Variants in MRM1 observed in about 807,000 individuals in gnomAD.
MRM1 encodes the protein rRNA methyltransferase 1, mitochondrial.
A neutral mutation model predicts 25.0 loss-of-function variants in MRM1; 24 were observed. The observed-to-expected ratio is 0.96, with a 90% CI of 0.69 to 1.35. MRM1 has a LOEUF of 1.35. Ranked by LOEUF, MRM1 falls within the 40% of genes most tolerant of loss-of-function variation. The pLI, the probability that MRM1 is intolerant of heterozygous loss-of-function variation, is 0.00. For synonymous variants in MRM1, 188 were observed against 199.2 expected, an observed-to-expected ratio of 0.94 and a Z score of 0.47; for missense variants, 431 against 464.1, an observed-to-expected ratio of 0.93 and a Z score of 0.65.
chr17:36,609,060 C>T (rs1188890503), downstream of MRM1: 1 of 152,350 alleles, frequency 6.6e-6, no homozygotes, highest in African/African-American at 2.4e-5. Flanking sequence ...GGGGAGACTC[C>T]TGGCTGCAGC....
In MRM1 at chr17:36,603,283, T is replaced by C. The variant is rs1005326632; in HGVS notation, c.636+637T>C. On this transcript the variant is annotated intron_variant, in intron 2 of 4. Transcript: ENST00000614766. ...CAATAAAAATATGGTGTGAGAAACATAGGTAGTTTTAGCTTTTCTAGTAGC... is the reference window on the plus strand; with the variant it reads ...CAATAAAAATATGGTGTGAGAAACACAGGTAGTTTTAGCTTTTCTAGTAGC... 9 of 932,320 alleles carry C rather than the reference T, an allele frequency of 9.7e-6. No homozygotes were observed. The Admixed American group carries it at 5.0e-4, about 51-fold the overall frequency. The allele number at this position is 932,320 out of a possible 1,614,324, so 57.8% of individuals were successfully genotyped here.
the MRM1 span, among the ~76,000 whole-genome samples, chr17:36,633,313 G>A: frequency 6.6e-6 from 1 of 152,230 alleles, no homozygotes; most frequent in Non-Finnish European, 1.5e-5. Flanking sequence ...GAGGTCCCCA[G>A]ACTGTCTTCA....
chr17:36,603,273 G>A (rs548110598), intron 2 of MRM1: 3 of 962,192 alleles, frequency 3.1e-6, no homozygotes, highest in Admixed American at 1.2e-4. Flanking sequence ...AAAATATGGT[G>A]TGAGAAACAT....
At chr17:36,627,674 GTTTTTTTTT>G in the MRM1 span, among the ~76,000 whole-genome samples, 6 of 83,728 alleles carry the variant, frequency 7.2e-5, no homozygotes, top group Admixed American at 1.4e-4. Context: ...TTTGGACACT[GTTTTTTTTT>G]TTTTTTTTTT....
At chr17:36,619,711 C>T in the MRM1 span, among the ~76,000 whole-genome samples, 116 of 151,866 alleles carry the variant, frequency 7.6e-4, no homozygotes, top group Non-Finnish European at 1.2e-3. Context: ...CGAATATATA[C>T]CCAGAAGTGG....
At chr17:36,612,505 A>C (rs768509902), downstream of MRM1, among the ~76,000 whole-genome samples, 1 of 152,114 alleles carries the variant, frequency 6.6e-6, no homozygotes, top group Non-Finnish European at 1.5e-5. Flanking sequence ...ACTGCTCAGC[A>C]AGTGTGGGTT....
intron 2 of MRM1, among the ~76,000 whole-genome samples, chr17:36,603,980 A>T (rs2074905733): frequency 1.3e-5 from 2 of 152,250 alleles, no homozygotes; most frequent in South Asian, 2.1e-4. Context: ...ACATCCACTT[A>T]AGCTCCAGGC....
chr17:36,602,149 C>G lies in MRM1; in HGVS notation c.339C>G (p.Tyr113Ter). 1 of 1,613,022 alleles carries G rather than the reference C, an allele frequency of 6.2e-7. No individual in the cohort carries two copies. Among genetic ancestry groups the G allele is most frequent in the Non-Finnish European group, 8.5e-7 (1 of 1,179,704 alleles). ...RRQKLDTMCR[Y>*]QVHQGVCMEV... ...AGAAACTGGACACAATGTGCCGCTA[C>G]CAGGTCCACCAGGGTGTCTGCATGG... Residue 113 changes from tyrosine (Y) to a stop codon, truncating the protein, a stop_gained, in exon 1 of 5, where the codon TAC becomes TAG. Coordinates refer to ENST00000614766, the MANE Select transcript of MRM1 (RefSeq NM_024864.5). LOFTEE classifies it high-confidence loss of function. This position sits in a 1 kb window ranked among gnomAD's most constrained non-coding sequence, Gnocchi z 4.1.
rs1599584457 is a variant in MRM1, at chr17:36,608,494, C to A, written c.*79C>A. On this transcript the variant is annotated 3_prime_UTR_variant, in exon 5 of 5. Coordinates refer to ENST00000614766, the MANE Select transcript of MRM1 (RefSeq NM_024864.5). ...TCCGCCGGCTCCAGTGTGCGGGGAG[C>A]CTCTGCCTGAGTGTGCACCAGGCCC... 1 of 1,181,588 alleles carries A rather than the reference C, an allele frequency of 8.5e-7. No individual in the cohort carries two copies. Among genetic ancestry groups the A allele is most frequent in the Non-Finnish European group, 1.1e-6 (1 of 875,908 alleles). The allele number at this position is 1,181,588 out of a possible 1,614,324, so 73.2% of individuals were successfully genotyped here.
In MRM1 at chr17:36,602,502, G is replaced by T. The variant is rs770960529; in HGVS notation, c.543-51G>T. 2 of 1,612,564 alleles carry T rather than the reference G, an allele frequency of 1.2e-6. No individual in the cohort carries two copies. Among genetic ancestry groups the T allele is most frequent in the South Asian group, 2.2e-5 (2 of 91,024 alleles). On this transcript the variant is annotated intron_variant, in intron 1 of 4. Transcript: ENST00000614766. This position sits in a 1 kb window ranked among gnomAD's most constrained non-coding sequence, Gnocchi z 4.1. ...CTTGGGAGCCCTGGGAGGGTAGGGA[G>T]CCGGGCTTGAGATGGCCCAGCCTAA...
the MRM1 span, among the ~76,000 whole-genome samples, chr17:36,627,678 T>TC: frequency 5.6e-3 from 625 of 111,100 alleles, 8 homozygotes; most frequent in Admixed American, 0.01. Context: ...GACACTGTTT[T>TC]TTTTTTTTTT....
In MRM1 at chr17:36,607,765, G is replaced by A. The variant is rs2074943669; in HGVS notation, c.732G>A (p.Leu244=). 1 of 1,614,166 alleles carries A rather than the reference G, an allele frequency of 6.2e-7. No individual in the cohort carries two copies. Among genetic ancestry groups the A allele is most frequent in the Non-Finnish European group, 8.5e-7 (1 of 1,180,030 alleles). The change falls in exon 3 of 5, where the codon TTG becomes TTA. Residue 244 remains leucine (L), a synonymous_variant. Transcript: ENST00000614766. ...QSSEIPIMSC[L]EFLWERPTLL... ...CCGAGATCCCCATCATGAGTTGCTTGGAGTTCCTCTGGGAACGGCCTACTC... is the reference window on the plus strand; with the variant it reads ...CCGAGATCCCCATCATGAGTTGCTTAGAGTTCCTCTGGGAACGGCCTACTC...
the MRM1 span, among the ~76,000 whole-genome samples, chr17:36,627,892 T>G: frequency 2.0e-5 from 3 of 152,042 alleles, no homozygotes; most frequent in Admixed American, 6.6e-5. Flanking sequence ...GCCAGGCTGG[T>G]CTTGAAATCC....
chr17:36,624,561 A>G, the MRM1 span, among the ~76,000 whole-genome samples: 8 of 152,194 alleles, frequency 5.3e-5, no homozygotes, highest in Admixed American at 1.3e-4. The surrounding 1 kb of genome is among the most constrained non-coding windows in gnomAD (Gnocchi z 4.0). Flanking sequence ...ATGAGCACGC[A>G]TGTCATAGGA....
At chr17:36,611,937 A>T (rs2074978977), downstream of MRM1, among the ~76,000 whole-genome samples, 1 of 143,788 alleles carries the variant, frequency 7.0e-6, no homozygotes, top group African/African-American at 2.7e-5. Flanking sequence ...ATGCCTTATA[A>T]TCTCTTGAAC....
chr17:36,601,646 G>C lies in MRM1; in HGVS notation c.-165G>C. On this transcript the variant is annotated 5_prime_UTR_variant, in exon 1 of 5. Transcript: ENST00000614766. ...CGGGTGGTCGTAGCTCGGTAGTCCA[G>C]TTGTGGGTAATCGGGGCTGTTTGTT... 1.4e-6 allele frequency: 1 copy of C among 728,848 alleles called. No homozygotes were observed. The highest frequency in any genetic ancestry group is 2.1e-6 in the Non-Finnish European group (1 of 475,574). 45.1% of individuals were successfully genotyped at this position (728,848 alleles called of 1,614,324 possible). A position where few individuals can be genotyped will look rare whatever the true frequency, so the allele number is the denominator to read the frequency against.
At chr17:36,628,207 C>T in the MRM1 span, among the ~76,000 whole-genome samples, 1 of 152,296 alleles carries the variant, frequency 6.6e-6, no homozygotes, top group Non-Finnish European at 1.5e-5. Context: ...AGGCTGGTCT[C>T]AAACTCCTGG....
the MRM1 span, among the ~76,000 whole-genome samples, chr17:36,624,388 C>A: frequency 6.6e-6 from 1 of 152,240 alleles, no homozygotes; most frequent in Non-Finnish European, 1.5e-5. The surrounding 1 kb of genome is among the most constrained non-coding windows in gnomAD (Gnocchi z 4.0). Context: ...ACCCTGAGCA[C>A]CCCTTGCCAT....
the MRM1 span, among the ~76,000 whole-genome samples, chr17:36,619,513 C>T: frequency 2.0e-5 from 3 of 152,058 alleles, no homozygotes; most frequent in Admixed American, 6.5e-5. Flanking sequence ...ACTAAAAATA[C>T]AAAAATTAGC....
Sources: gnomAD v4.1 joint callset for allele counts (sites outside exome capture counted in the v4.1 genomes callset) on GRCh38, gnomAD v4.1.1 for gene constraint, Gnocchi (gnomAD v3.1) non-coding constraint, MANE v1.5 for transcripts, NCBI Gene and HGNC (gene_info 2026-07-23, HGNC 2026-07-21) for gene names.